The following LRRC4C variants were observed in gnomAD, a reference collection of about 807,000 sequenced individuals.
The protein encoded by LRRC4C is leucine-rich repeat-containing protein 4C.
In LRRC4C, 5 loss-of-function variants were observed where a neutral mutation model predicts 33.6. The ratio of observed to expected loss-of-function variants is 0.15; its 90% CI spans 0.08 to 0.31. The LOEUF is 0.31. Ranked by LOEUF, LRRC4C falls within the 10% of genes least tolerant of loss-of-function variation. LRRC4C has a pLI of 1.00. For missense variants in LRRC4C, 560 were observed against 796.7 expected, an observed-to-expected ratio of 0.70 and a Z score of 3.58; for synonymous variants, 329 against 302.0, an observed-to-expected ratio of 1.09 and a Z score of -0.93.
At chr11:41,390,036 C>G (rs970543175) in intron 1 of LRRC4C, among the ~76,000 whole-genome samples, 16 of 151,826 alleles carry the variant, frequency 1.1e-4, no homozygotes, top group Admixed American at 1.1e-3. Context: ...CTGTTTTTAT[C>G]CTGTTCTGAG....
chr11:40,483,645 T>C (rs1409893334), intron 3 of LRRC4C, among the ~76,000 whole-genome samples: 1 of 151,942 alleles, frequency 6.6e-6, no homozygotes. Context: ...AGAACAATTA[T>C]AACCAAGGAA....
chr11:40,431,096 A>AT (rs1222430744), intron 3 of LRRC4C, among the ~76,000 whole-genome samples: 12 of 32,064 alleles, frequency 3.7e-4, no homozygotes, highest in Admixed American at 1.4e-3. Flanking sequence ...TTAAAGTATA[A>AT]TAAAAAAAAA....
intron 1 of LRRC4C, among the ~76,000 whole-genome samples, chr11:41,323,488 C>G (rs979212464): frequency 3.9e-5 from 6 of 152,196 alleles, no homozygotes; most frequent in Admixed American, 1.3e-4. Flanking sequence ...GCATTGTGAT[C>G]AACACCAAGT....
chr11:41,043,465 A>G lies in LRRC4C; in HGVS notation c.-495-109742T>C, dbSNP rs116676120. 5.8e-3 allele frequency among the ~76,000 whole-genome samples: 889 copies of G among 152,280 alleles called. 13 individuals are homozygous for G. The highest frequency in any genetic ancestry group is 0.021 in the African/African-American group (855 of 41,570). The stretch of plus-strand genomic sequence containing the variant: ...GTTGCTGCTATTGTTCAAATCTGCT[A>G]TAAAAGGAAGTTTGTATCAAGGCTA... On this transcript the variant is annotated intron_variant, in intron 1 of 6. Coordinates refer to ENST00000528697, the MANE Select transcript of LRRC4C (RefSeq NM_001258419.2).
intron 3 of LRRC4C, among the ~76,000 whole-genome samples, chr11:40,526,353 C>G (rs981602313): frequency 1.3e-5 from 2 of 152,038 alleles, no homozygotes; most frequent in East Asian, 1.9e-4. Context: ...TCACAACCAG[C>G]ATACATTAAA....
At chr11:40,116,701 G>T (rs998290519) in intron 6 of LRRC4C, among the ~76,000 whole-genome samples, 1 of 152,044 alleles carries the variant, frequency 6.6e-6, no homozygotes, top group African/African-American at 2.4e-5. Flanking sequence ...AGGACTTTGG[G>T]GCTATATCAA....
chr11:41,009,082 G>T (rs997323838), intron 1 of LRRC4C, among the ~76,000 whole-genome samples: 2 of 152,036 alleles, frequency 1.3e-5, no homozygotes, highest in South Asian at 4.1e-4. Context: ...TAGCCAAATA[G>T]CAAGAGAAGA....
chr11:41,146,860 A>G (rs1943749458), intron 1 of LRRC4C, among the ~76,000 whole-genome samples: 1 of 152,266 alleles, frequency 6.6e-6, no homozygotes, highest in African/African-American at 2.4e-5. Flanking sequence ...ATGAAATTCC[A>G]AAAGACAACT....
chr11:41,406,954 A>G (rs1162674485), intron 1 of LRRC4C, among the ~76,000 whole-genome samples: 1 of 152,134 alleles, frequency 6.6e-6, no homozygotes. Flanking sequence ...AAAAAATTGT[A>G]AAAAGAAAAT....
chr11:41,176,732 G>A (rs1388006106), intron 1 of LRRC4C, among the ~76,000 whole-genome samples: 2 of 152,108 alleles, frequency 1.3e-5, no homozygotes, highest in South Asian at 2.1e-4. Context: ...GGAGGCTGAC[G>A]CAGGCGGATT....
chr11:40,753,065 T>A (rs1371609249), intron 2 of LRRC4C, among the ~76,000 whole-genome samples: 1 of 152,012 alleles, frequency 6.6e-6, no homozygotes, highest in Non-Finnish European at 1.5e-5. Context: ...TTTATTTTAT[T>A]TTATTTTATT....
At chr11:40,383,928 T>TTATTAG (rs1565336038) in intron 3 of LRRC4C, among the ~76,000 whole-genome samples, 1 of 143,414 alleles carries the variant, frequency 7.0e-6, no homozygotes, top group African/African-American at 2.5e-5. Flanking sequence ...CAAATTATTA[T>TTATTAG]TATTATTATT....
intron 5 of LRRC4C, among the ~76,000 whole-genome samples, chr11:40,177,443 T>C (rs887937917): frequency 4.6e-5 from 7 of 152,130 alleles, no homozygotes; most frequent in African/African-American, 1.7e-4. Flanking sequence ...TCTCCTACCT[T>C]CTTTATCTTT....
chr11:41,176,921 C>T (rs181319893), intron 1 of LRRC4C, among the ~76,000 whole-genome samples: 5 of 152,096 alleles, frequency 3.3e-5, no homozygotes, highest in African/African-American at 9.6e-5. Flanking sequence ...GCTGAGATTG[C>T]GCCACTGCAC....
chr11:40,961,368 T>A (rs1850967544), intron 1 of LRRC4C, among the ~76,000 whole-genome samples: 1 of 151,688 alleles, frequency 6.6e-6, no homozygotes, highest in Non-Finnish European at 1.5e-5. Flanking sequence ...CAAGAAGGGC[T>A]ACAAACACTT....
chr11:41,101,296 G>A (rs1441045931), intron 1 of LRRC4C, among the ~76,000 whole-genome samples: 1 of 151,898 alleles, frequency 6.6e-6, no homozygotes, highest in Admixed American at 6.6e-5. Flanking sequence ...CTATAAGGAA[G>A]TTAAATTTAC....
intron 1 of LRRC4C, among the ~76,000 whole-genome samples, chr11:41,099,699 T>C (rs1342226660): frequency 6.6e-6 from 1 of 152,090 alleles, no homozygotes; most frequent in Non-Finnish European, 1.5e-5. Context: ...CTCAAAATAA[T>C]AAGAGCTATC....
chr11:40,249,229 C>A (rs1866584316), intron 4 of LRRC4C, among the ~76,000 whole-genome samples: 2 of 152,040 alleles, frequency 1.3e-5, no homozygotes, highest in Non-Finnish European at 2.9e-5. Flanking sequence ...ATCCCAGCTA[C>A]TTGGGAGGCT....
chr11:40,907,437 G>C (rs574941959), intron 2 of LRRC4C, among the ~76,000 whole-genome samples: 43 of 152,320 alleles, frequency 2.8e-4, no homozygotes, highest in Admixed American at 6.5e-4. Flanking sequence ...AAATCATTTA[G>C]AAATCAAAAC....
Sources: gnomAD v4.1 joint callset for allele counts (sites outside exome capture counted in the v4.1 genomes callset) on GRCh38, gnomAD v4.1.1 for gene constraint, MANE v1.5 for transcripts, NCBI Gene and HGNC (gene_info 2026-07-23, HGNC 2026-07-21) for gene names.